Variants in ENTPD7 observed in about 807,000 individuals in gnomAD.
ENTPD7 encodes NTPDase 7.
A neutral mutation model predicts 77.9 loss-of-function variants in ENTPD7; 53 were observed. The ratio of observed to expected loss-of-function variants is 0.68; its 90% CI spans 0.55 to 0.85. The LOEUF (loss-of-function observed/expected upper bound fraction) is 0.85, where lower values mean the gene tolerates loss of function less well. Ranked by LOEUF, ENTPD7 falls within the 40% of genes least tolerant of loss-of-function variation. The pLI, the probability that ENTPD7 is intolerant of heterozygous loss-of-function variation, is 0.00. For missense variants in ENTPD7, 636 were observed against 743.7 expected (o/e 0.86, Z 1.68); for synonymous variants, 248 against 274.9 (o/e 0.90, Z 0.97).
chr10:99,675,477 T>A (rs1367992774), intron 3 of ENTPD7, among the ~76,000 whole-genome samples: 2 of 143,184 alleles, frequency 1.4e-5, no homozygotes, highest in African/African-American at 2.6e-5. Flanking sequence ...CCATGTTTTT[T>A]AATGGATTTT....
At chr10:99,687,295 C>T (rs2035827863) in intron 6 of ENTPD7, among the ~76,000 whole-genome samples, 1 of 70,730 alleles carries the variant, frequency 1.4e-5, no homozygotes, top group African/African-American at 5.0e-5. Flanking sequence ...GAGACAGAGT[C>T]TCGCTCTGTC....
In ENTPD7 at chr10:99,704,748, T is replaced by C. The variant is rs936374703; in HGVS notation, c.*65T>C. The C allele has an allele frequency of 7.1e-7, 1 of 1,413,574 alleles. No homozygotes were observed. The highest frequency in any genetic ancestry group is 1.4e-5 in the African/African-American group (1 of 70,376). The allele number at this position is 1,413,574 out of a possible 1,614,324, so 87.6% of individuals were successfully genotyped here. On this transcript the variant is annotated 3_prime_UTR_variant, in exon 13 of 13. Coordinates refer to ENST00000370489, the MANE Select transcript of ENTPD7 (RefSeq NM_020354.5). ...TGCTGCTCATTGAATTCCTCCACTT[T>C]CTTATATAGCCTCAGATGCTGTGAT...
chr10:99,687,232 A>ATTTTTCT (rs2035824682), intron 6 of ENTPD7, among the ~76,000 whole-genome samples: 2 of 59,092 alleles, frequency 3.4e-5, no homozygotes, highest in African/African-American at 6.4e-5. Context: ...CTATTAGTTC[A>ATTTTTCT]TTTTTCTTTT....
chr10:99,672,111 A>G lies in ENTPD7; in HGVS notation c.192-7150A>G, dbSNP rs536551399. On this transcript the variant is annotated intron_variant, in intron 3 of 12. Transcript: ENST00000370489. ...ATCCTCCTGCCTCAGCCTTCCTAAT[A>G]GCTGAGATTATAGGTGCATGCCACC... is the stretch of plus-strand genomic sequence containing the variant. 6.2e-4 allele frequency among the ~76,000 whole-genome samples: 95 copies of G among 152,178 alleles called. 1 individual carries two copies. The South Asian group carries it at 0.014, about 22-fold the overall frequency.
chr10:99,660,086 T>C (rs2035458844), intron 2 of ENTPD7, 122 bp downstream of exon 2: 1 of 1,448,836 alleles, frequency 6.9e-7, no homozygotes, highest in East Asian at 2.3e-5. Context: ...CTTTGTATTC[T>C]GGTTAGTTGG....
At position 99,698,694 on chromosome 10, in the gene ENTPD7, G is replaced by C; in HGVS notation, c.1171G>C (p.Ala391Pro). 1 of 1,614,144 alleles carries C rather than the reference G, an allele frequency of 6.2e-7. No individual in the cohort carries two copies. The highest frequency in any genetic ancestry group is 1.1e-5 in the South Asian group (1 of 91,088). Residue 391 changes from alanine (A) to proline (P), a missense_variant, in exon 10 of 13, where the codon GCT becomes CCT. Ala to Pro is a conservative substitution (Grantham distance 27). Transcript: ENST00000370489. ...TGGGGCAATGCTGAGCCCCCTGCTGGCTCGCTCCAACACCAGCCAGGCCTC... is the reference window on the plus strand; with the variant it reads ...TGGGGCAATGCTGAGCCCCCTGCTGCCTCGCTCCAACACCAGCCAGGCCTC... The part of the protein sequence containing the change: ...SCGAMLSPLL[A>P]RSNTSQASLN...
In ENTPD7 at chr10:99,688,696, G is replaced by A. The variant is rs749339786; in HGVS notation, c.655G>A (p.Val219Ile). ...AEVISGKQEG[V>I]YAWIGINFVL... ...GGGCTTTTCTGTTTCTTACTTAGGG[G>A]TTTATGCATGGATTGGAATCAACTT... is the stretch of plus-strand genomic sequence containing the variant. The change falls in exon 7 of 13, where the codon GTT becomes ATT. Residue 219 changes from valine (V) to isoleucine (I), a missense_variant and splice_region_variant. Physicochemically the swap from Val to Ile is conservative, Grantham distance 29. Coordinates refer to ENST00000370489, the MANE Select transcript of ENTPD7 (RefSeq NM_020354.5). 31 of 1,613,788 alleles carry A rather than the reference G, an allele frequency of 1.9e-5. No individual in the cohort carries two copies. Among genetic ancestry groups the A allele is most frequent in the Non-Finnish European group, 2.6e-5 (31 of 1,179,896 alleles).
rs1314444523 is a variant in ENTPD7 at position 99,711,160 on chromosome 10, G to C, written c.*6477G>C. 1.0e-6 allele frequency: 1 copy of C among 984,886 alleles called. No individual in the cohort carries two copies. Among genetic ancestry groups the C allele is most frequent in the Non-Finnish European group, 1.2e-6 (1 of 829,672 alleles). The allele number at this position is 984,886 out of a possible 1,614,324, so 61.0% of individuals were successfully genotyped here. ...CTCATAGATATAATACAGTTATATA[G>C]CTAAATGCAACCAGTTGTTTTTCCA... On this transcript the variant is annotated 3_prime_UTR_variant, in exon 13 of 13. Transcript: ENST00000370489.
intron 8 of ENTPD7, 92 bp from the exon 9 acceptor site, chr10:99,695,864 T>C (rs888831839): frequency 9.0e-6 from 11 of 1,228,816 alleles, no homozygotes; most frequent in East Asian, 2.5e-5. Flanking sequence ...AGAGTAGTCA[T>C]AGAAATGAAG....
chr10:99,700,449 TTGTC>T, intron 10 of ENTPD7, among the ~76,000 whole-genome samples: 1 of 150,420 alleles, frequency 6.6e-6, no homozygotes, highest in African/African-American at 2.5e-5. Context: ...TGTGTGTTTA[TTGTC>T]TGTCTCCTAC....
At position 99,659,731 on chromosome 10, in the gene ENTPD7, G is replaced by C. The variant is rs1389159675; in HGVS notation, c.-95-131G>C. The C allele has an allele frequency of 2.6e-5, 14 of 528,924 alleles. No homozygotes were observed. The highest frequency in any genetic ancestry group is 2.4e-4 in the East Asian group (7 of 29,104). 32.8% of individuals were successfully genotyped at this position (528,924 alleles called of 1,614,324 possible). The stretch of plus-strand genomic sequence containing the variant: ...GCCCCGCTCCCAGGATGCCCGGGTA[G>C]GGTCCCCTGGGCCTGAGGAACCAGA... On this transcript the variant is annotated intron_variant, in intron 1 of 12. Transcript: ENST00000370489. The surrounding 1 kb of genome is among the most constrained non-coding windows in gnomAD (Gnocchi z 4.1).
intron 6 of ENTPD7, among the ~76,000 whole-genome samples, chr10:99,686,847 G>A (rs565790984): frequency 1.7e-4 from 25 of 149,192 alleles, no homozygotes; most frequent in South Asian, 1.3e-3. Context: ...AAATCAAAGA[G>A]AACTTTTTTT....
intron 5 of ENTPD7, among the ~76,000 whole-genome samples, chr10:99,680,198 G>A (rs1383702969): frequency 6.6e-6 from 1 of 152,204 alleles, no homozygotes. Flanking sequence ...ACTAGTCAGA[G>A]AGCTCTGGTA....
chr10:99,660,271 AAAG>A, intron 2 of ENTPD7: 2 of 982,426 alleles, frequency 2.0e-6, no homozygotes, highest in Non-Finnish European at 1.2e-6. Context: ...GAGGTTAAAC[AAAG>A]AAGTTTTTTT....
intron 10 of ENTPD7, 181 bp from the exon 11 acceptor site, chr10:99,700,792 G>A (rs2036105219): frequency 3.1e-6 from 2 of 648,892 alleles, no homozygotes; most frequent in Non-Finnish European, 5.5e-6. Flanking sequence ...TGCTAGACAT[G>A]GGATGACGGG....
At position 99,698,628 on chromosome 10, in the gene ENTPD7, C is replaced by G; in HGVS notation, c.1105C>G (p.Gln369Glu). 6.2e-7 allele frequency: 1 copy of G among 1,614,132 alleles called. No individual in the cohort carries two copies. Among genetic ancestry groups the G allele is most frequent in the Non-Finnish European group, 8.5e-7 (1 of 1,180,032 alleles). Residue 369 changes from glutamine (Q) to glutamate (E), a missense_variant, in exon 10 of 13, where the codon CAA (glutamine) becomes GAA (glutamate). Physicochemically the swap from Gln to Glu is conservative, Grantham distance 29. Around this residue, in one of 3 missense-constraint regions of ENTPD7, gnomAD observed 486 missense variants for 556.5 expected, o/e 0.87. Transcript: ENST00000370489. ...CACAGATGTGGTGGAGAGGAACAGC[C>G]AAGTCTTACATGTCCGAGGAAGAGG... ...GLTDVVERNS[Q>E]VLHVRGRGDW...
intron 7 of ENTPD7, among the ~76,000 whole-genome samples, chr10:99,689,504 T>C (rs565709620): frequency 1.3e-5 from 2 of 152,310 alleles, no homozygotes; most frequent in African/African-American, 2.4e-5. Flanking sequence ...ATGTTTCTTA[T>C]CCCCTCATAT....
Position 99,704,963 on chromosome 10 carries a change from GTC to G in ENTPD7, c.*282_*283del. On this transcript the variant is annotated 3_prime_UTR_variant, in exon 13 of 13. Transcript: ENST00000370489. ...AGCAGGCTTCGACTCCTTCTGAGAG[GTC>G]TGGTGTGTTCCTAGAATCTCACCTT... 2.3e-6 allele frequency: 1 copy of G among 438,846 alleles called. No homozygotes were observed. The highest frequency in any genetic ancestry group is 2.8e-5 in the South Asian group (1 of 35,362). The allele number at this position is 438,846 out of a possible 1,614,324, so 27.2% of individuals were successfully genotyped here. A position where few individuals can be genotyped will look rare whatever the true frequency, so the allele number is the denominator to read the frequency against.
chr10:99,702,827 C>T (rs560761969), intron 12 of ENTPD7, among the ~76,000 whole-genome samples, 154 bp downstream of exon 12: 40 of 152,144 alleles, frequency 2.6e-4, no homozygotes, highest in Non-Finnish European at 4.3e-4. Context: ...TCCTTTACTT[C>T]CATGTGAGCC....
Sources: gnomAD v4.1 joint callset for allele counts (sites outside exome capture counted in the v4.1 genomes callset) on GRCh38, gnomAD v4.1.1 for gene constraint, gnomAD v4.1.1 regional missense constraint, Gnocchi (gnomAD v3.1) non-coding constraint, MANE v1.5 for transcripts, NCBI Gene and HGNC (gene_info 2026-07-23, HGNC 2026-07-21) for gene names.